The following SYT16 variants were observed in gnomAD, a reference collection of about 807,000 sequenced individuals.
SYT16 encodes the protein synaptotagmin 16, also known as synaptotagmin-16.
Under a neutral mutation model 61.4 loss-of-function variants are expected in SYT16, and 42 were observed. The observed-to-expected ratio is 0.68, with a 90% confidence interval of 0.53 to 0.89. The LOEUF is 0.89. Ranked by LOEUF, SYT16 falls within the 40% of genes least tolerant of loss-of-function variation. SYT16 has a pLI of 0.00. For missense variants in SYT16, 804 were observed against 807.3 expected, an observed-to-expected ratio of 1.00 and a Z score of 0.05; for synonymous variants, 314 against 302.3, an observed-to-expected ratio of 1.04 and a Z score of -0.40.
At chr14:61,900,358 A>G (rs1009007535) in intron 1 of SYT16, among the ~76,000 whole-genome samples, 2 of 152,100 alleles carry the variant, frequency 1.3e-5, no homozygotes, top group African/African-American at 4.8e-5. Flanking sequence ...GGGCTTTGCC[A>G]TGTTGGCCAG....
At chr14:61,876,070 G>A (rs1304220230) in intron 1 of SYT16, among the ~76,000 whole-genome samples, 14 of 152,186 alleles carry the variant, frequency 9.2e-5, no homozygotes, top group Admixed American at 9.2e-4. Context: ...GTGCGTGTGT[G>A]TGTGCACATG....
intron 1 of SYT16, among the ~76,000 whole-genome samples, chr14:61,825,231 G>C (rs1409551385): frequency 6.6e-6 from 1 of 152,194 alleles, no homozygotes; most frequent in Non-Finnish European, 1.5e-5. Context: ...TGTCACTTCA[G>C]GGTGGTTATT....
chr14:62,066,525 G>C (rs2140933217), intron 3 of SYT16, among the ~76,000 whole-genome samples: 1 of 152,324 alleles, frequency 6.6e-6, no homozygotes, highest in South Asian at 2.1e-4. Context: ...TCTTAGACAA[G>C]CCAGAGAATA....
intron 3 of SYT16, among the ~76,000 whole-genome samples, chr14:62,063,254 G>A (rs1211399901): frequency 6.6e-6 from 1 of 152,172 alleles, no homozygotes; most frequent in African/African-American, 2.4e-5. Flanking sequence ...CAGACCCTGG[G>A]AGAGGGCACA....
intron 1 of SYT16, among the ~76,000 whole-genome samples, chr14:61,957,671 A>G (rs1243647626): frequency 1.3e-5 from 2 of 151,992 alleles, no homozygotes; most frequent in African/African-American, 2.4e-5. Flanking sequence ...ATCTTGATGT[A>G]TGATCCTTTT....
chr14:61,816,568 C>T (rs1369941298), intron 1 of SYT16, among the ~76,000 whole-genome samples: 1 of 152,096 alleles, frequency 6.6e-6, no homozygotes, highest in Non-Finnish European at 1.5e-5. Context: ...ATAATTAATT[C>T]AAGCAAGATT....
rs182609084 is a variant in SYT16 at position 61,942,798 on chromosome 14, G to A, written c.-324-27334G>A. Among the ~76,000 whole-genome samples the A allele has an allele frequency of 8.6e-5, 13 of 152,046 alleles. No homozygotes were observed. The East Asian group carries it at 2.3e-3, about 27-fold the overall frequency. On this transcript the variant is annotated intron_variant, in intron 1 of 7. Transcript: ENST00000683842. The stretch of plus-strand genomic sequence containing the variant: ...TTCTGGCCCTAAATTTTTTTCTTGG[G>A]TATTTCCATCTAATAGTTTTCCATC...
chr14:61,829,759 A>G (rs1039377545), intron 1 of SYT16, among the ~76,000 whole-genome samples: 1 of 151,506 alleles, frequency 6.6e-6, no homozygotes, highest in African/African-American at 2.4e-5. Context: ...GGTTCATGCC[A>G]TTCTCCTGCC....
chr14:61,898,996 A>G (rs981195328), intron 1 of SYT16, among the ~76,000 whole-genome samples: 2 of 152,234 alleles, frequency 1.3e-5, no homozygotes, highest in Non-Finnish European at 2.9e-5. Flanking sequence ...GTTATAGGAA[A>G]TAAGTTATGT....
At chr14:61,922,036 A>G (rs957960615) in intron 1 of SYT16, among the ~76,000 whole-genome samples, 15 of 152,236 alleles carry the variant, frequency 9.9e-5, no homozygotes, top group Admixed American at 2.0e-4. Flanking sequence ...TTAATTGTCA[A>G]TGCTACAGTC....
Position 61,991,954 on chromosome 14 carries a change from A to ATTCG in SYT16, c.-144-3919_-144-3918insGTTC, listed in dbSNP as rs1566744067. Among the ~76,000 whole-genome samples, 7 of 43,702 alleles carry ATTCG rather than the reference A, an allele frequency of 1.6e-4. No individual in the cohort carries two copies. In the South Asian group the frequency reaches 2.7e-3, roughly 17 times the overall value. The allele number at this position is 43,702 out of a possible 152,430, so 28.7% of individuals were successfully genotyped here. ...TTTTCACTAATAACTTTGTTCGTTCATTCATTCATTCATTCATTCATTCAT... is the reference window on the plus strand; with the variant it reads ...TTTTCACTAATAACTTTGTTCGTTCATTCGTTCATTCATTCATTCATTCATTCAT... On this transcript the variant is annotated intron_variant, in intron 2 of 7. Transcript: ENST00000683842.
chr14:61,935,602 G>A (rs565774054), intron 1 of SYT16, among the ~76,000 whole-genome samples: 3 of 152,132 alleles, frequency 2.0e-5, no homozygotes, highest in Admixed American at 1.3e-4. Flanking sequence ...GTGGTGAAAC[G>A]GACCAAGCAC....
chr14:61,842,067 T>G (rs2046316296), intron 1 of SYT16, among the ~76,000 whole-genome samples: 1 of 152,132 alleles, frequency 6.6e-6, no homozygotes, highest in Non-Finnish European at 1.5e-5. Flanking sequence ...CCTAGTAGGT[T>G]TATATATTTG....
intron 1 of SYT16, among the ~76,000 whole-genome samples, chr14:61,928,398 T>G (rs1309712770): frequency 6.6e-6 from 1 of 152,220 alleles, no homozygotes; most frequent in Non-Finnish European, 1.5e-5. Context: ...GCTCTCTTGT[T>G]CTTGTTTTCA....
At chr14:62,098,067 A>T (rs1406671897) in intron 7 of SYT16, among the ~76,000 whole-genome samples, 1 of 152,248 alleles carries the variant, frequency 6.6e-6, no homozygotes, top group Non-Finnish European at 1.5e-5. Flanking sequence ...TGTGTTTCTC[A>T]GCAGATAAGT....
chr14:61,838,802 G>A (rs2046211768), intron 1 of SYT16, among the ~76,000 whole-genome samples: 1 of 152,284 alleles, frequency 6.6e-6, no homozygotes, highest in Non-Finnish European at 1.5e-5. Context: ...AATACTGATA[G>A]TAGCAATAGC....
intron 1 of SYT16, among the ~76,000 whole-genome samples, chr14:61,953,392 CT>C (rs1280639903): frequency 6.6e-6 from 1 of 152,014 alleles, no homozygotes; most frequent in African/African-American, 2.4e-5. Context: ...TTAATCTCCT[CT>C]TTGAAAACTT....
chr14:61,849,440 A>G (rs1411042540), intron 1 of SYT16, among the ~76,000 whole-genome samples: 1 of 152,200 alleles, frequency 6.6e-6, no homozygotes, highest in African/African-American at 2.4e-5. Context: ...AAATTTATTT[A>G]GGACCCCAGA....
intron 1 of SYT16, among the ~76,000 whole-genome samples, chr14:61,910,186 G>A (rs1000714047): frequency 6.6e-6 from 1 of 151,784 alleles, no homozygotes; most frequent in Admixed American, 6.6e-5. Flanking sequence ...TTTCAAATAT[G>A]ACATCATATT....
Sources: gnomAD v4.1 joint callset for allele counts (sites outside exome capture counted in the v4.1 genomes callset) on GRCh38, gnomAD v4.1.1 for gene constraint, MANE v1.5 for transcripts, NCBI Gene and HGNC (gene_info 2026-07-23, HGNC 2026-07-21) for gene names.